CSMD1: variants seen among roughly 807,000 people sequenced by gnomAD.
The protein encoded by CSMD1 is CUB and Sushi multiple domains 1, also known as CUB and sushi domain-containing protein 1.
Under a neutral mutation model 417.5 loss-of-function variants are expected in CSMD1, and 213 were observed. That is an observed-to-expected ratio of 0.51 (90% CI 0.46 to 0.57). CSMD1 has a LOEUF of 0.57. Among genes scored for constraint, CSMD1 ranks in the 20% least tolerant of loss-of-function variants. The pLI is 0.00. For missense variants in CSMD1, 6,923 were observed against 4,529.7 expected (o/e 1.53, Z -15.17); for synonymous variants, 2,862 against 1,736.8 (o/e 1.65, Z -16.11).
intron 2 of CSMD1, among the ~76,000 whole-genome samples, chr8:4,481,233 C>A (rs1218082687): frequency 6.6e-6 from 1 of 152,196 alleles, no homozygotes; most frequent in East Asian, 1.9e-4. Context: ...ACCTAAGAGT[C>A]CAAATTTAGA....
At chr8:3,856,155 A>T (rs531949784) in intron 5 of CSMD1, among the ~76,000 whole-genome samples, 3 of 151,894 alleles carry the variant, frequency 2.0e-5, no homozygotes, top group Admixed American at 6.6e-5. Context: ...TGGATTGTGG[A>T]GGTGGTTTGT....
chr8:3,049,707 T>C (rs997629471), intron 50 of CSMD1, among the ~76,000 whole-genome samples: 2 of 152,078 alleles, frequency 1.3e-5, no homozygotes, highest in Admixed American at 6.5e-5. Flanking sequence ...TCATTACACA[T>C]TTGTCCAAGC....
At chr8:3,923,915 T>G (rs1809458067) in intron 5 of CSMD1, among the ~76,000 whole-genome samples, 1 of 152,210 alleles carries the variant, frequency 6.6e-6, no homozygotes, top group African/African-American at 2.4e-5. Flanking sequence ...TCCTTTAAAT[T>G]TCATAAAAGA....
intron 34 of CSMD1, among the ~76,000 whole-genome samples, chr8:3,189,252 T>G (rs1451898632): frequency 2.6e-5 from 4 of 152,238 alleles, no homozygotes; most frequent in Non-Finnish European, 4.4e-5. Context: ...TCTATCCAAG[T>G]TCTCTAAGAA....
chr8:4,070,092 G>C (rs976539561), intron 3 of CSMD1, among the ~76,000 whole-genome samples: 2 of 151,818 alleles, frequency 1.3e-5, no homozygotes, highest in African/African-American at 2.4e-5. Flanking sequence ...TGGAATTAAA[G>C]AAACACCCAA....
chr8:4,289,806 G>A (rs1797261943), intron 3 of CSMD1, among the ~76,000 whole-genome samples: 1 of 152,134 alleles, frequency 6.6e-6, no homozygotes, highest in East Asian at 1.9e-4. Context: ...ACCTTTGTCT[G>A]CCATGTGTTC....
chr8:4,763,495 A>T (rs7003205), intron 1 of CSMD1, among the ~76,000 whole-genome samples: 1 of 151,918 alleles, frequency 6.6e-6, no homozygotes, highest in African/African-American at 2.4e-5. Flanking sequence ...TCAATAATTT[A>T]TTGATGACTT....
intron 18 of CSMD1, chr8:3,375,146 C>G (rs539780312): frequency 6.6e-6 from 1 of 152,312 alleles, no homozygotes; most frequent in African/African-American, 2.4e-5. Flanking sequence ...TGACCTCGTT[C>G]TCCAACTGTG....
rs555161306 is a variant in CSMD1 at position 3,738,332 on chromosome 8, C to T, written c.931+15598G>A. On this transcript the variant is annotated intron_variant, in intron 6 of 69. Transcript: ENST00000635120. ...GTGTATTTTGCATATTTCAATACATCGTACAATGCATACAGGCATTGGGGC... is the reference window on the plus strand; with the variant it reads ...GTGTATTTTGCATATTTCAATACATTGTACAATGCATACAGGCATTGGGGC... Among the ~76,000 whole-genome samples the T allele has an allele frequency of 8.3e-4, 127 of 152,280 alleles. 1 individual carries two copies. The highest frequency in any genetic ancestry group is 2.9e-3 in the African/African-American group (119 of 41,550).
At chr8:3,965,207 G>C (rs145109206) in intron 5 of CSMD1, among the ~76,000 whole-genome samples, 16 of 152,278 alleles carry the variant, frequency 1.1e-4, no homozygotes, top group Non-Finnish European at 2.1e-4. Flanking sequence ...AAGGGCGGAA[G>C]GAGGGGCTGA....
At chr8:4,619,138 C>T (rs1406127823) in intron 2 of CSMD1, among the ~76,000 whole-genome samples, 1 of 152,072 alleles carries the variant, frequency 6.6e-6, no homozygotes, top group Non-Finnish European at 1.5e-5. Context: ...CTAGATTTAA[C>T]TCATGAGAAA....
intron 42 of CSMD1, chr8:3,113,078 G>C (rs886136408): frequency 1.3e-5 from 2 of 152,264 alleles, no homozygotes; most frequent in Admixed American, 6.5e-5. Flanking sequence ...ACTGCAGGAA[G>C]TGTGCGTGTC....
At chr8:3,086,886 A>G (rs1814569193) in intron 49 of CSMD1, among the ~76,000 whole-genome samples, 1 of 152,230 alleles carries the variant, frequency 6.6e-6, no homozygotes, top group Admixed American at 6.5e-5. Flanking sequence ...GATCTAGTGA[A>G]TGTCCAACCC....
intron 51 of CSMD1, 34 bp from the exon 52 acceptor site, chr8:3,018,684 C>A: frequency 1.3e-6 from 2 of 1,582,550 alleles, no homozygotes; most frequent in East Asian, 2.2e-5. Context: ...AACATCAATT[C>A]AGTTATGCAG....
intron 49 of CSMD1, among the ~76,000 whole-genome samples, chr8:3,077,037 T>TA (rs1813733339): frequency 6.6e-6 from 1 of 152,112 alleles, no homozygotes; most frequent in Non-Finnish European, 1.5e-5. Flanking sequence ...GTGCACTTCT[T>TA]TCCATCCTAT....
chr8:4,851,136 T>G (rs559044312), intron 1 of CSMD1, among the ~76,000 whole-genome samples: 1 of 131,294 alleles, frequency 7.6e-6, no homozygotes, highest in Non-Finnish European at 1.6e-5. Context: ...AGTGTGATAT[T>G]CCCCTTCCTG....
intron 50 of CSMD1, among the ~76,000 whole-genome samples, chr8:3,046,109 T>C (rs1229917106): frequency 6.6e-6 from 1 of 152,184 alleles, no homozygotes; most frequent in Non-Finnish European, 1.5e-5. Context: ...TCTACCGCCA[T>C]GGAACTCTCA....
chr8:3,505,121 G>T (rs1486681475), intron 10 of CSMD1, among the ~76,000 whole-genome samples: 2 of 152,130 alleles, frequency 1.3e-5, no homozygotes, highest in Admixed American at 6.5e-5. Context: ...ATCACAGGCA[G>T]ATTTCAGTAA....
At chr8:4,847,836 AG>A (rs1801236210) in intron 1 of CSMD1, among the ~76,000 whole-genome samples, 1 of 151,452 alleles carries the variant, frequency 6.6e-6, no homozygotes, top group Admixed American at 6.6e-5. Context: ...ACCTATTTAA[AG>A]TATAAATTTC....
Sources: gnomAD v4.1 joint callset for allele counts (sites outside exome capture counted in the v4.1 genomes callset) on GRCh38, gnomAD v4.1.1 for gene constraint, MANE v1.5 for transcripts, NCBI Gene and HGNC (gene_info 2026-07-23, HGNC 2026-07-21) for gene names.